Variants in RGS6 observed in about 807,000 individuals in gnomAD.
RGS6 encodes regulator of G protein signaling 6.
RGS6 carries 30 observed loss-of-function variants against 78.5 expected under a neutral mutation model. The observed-to-expected ratio is 0.38, with a 90% CI of 0.29 to 0.52. RGS6 has a LOEUF of 0.52. Ranked by LOEUF, RGS6 falls within the 20% of genes least tolerant of loss-of-function variation. The pLI is 0.85. For missense variants in RGS6, 495 were observed against 609.7 expected (o/e 0.81, Z 1.98); for synonymous variants, 206 against 206.0 (o/e 1.00, Z 0.00).
chr14:71,880,789 G>A, the RGS6 span, among the ~76,000 whole-genome samples: 1 of 152,226 alleles, frequency 6.6e-6, no homozygotes, highest in African/African-American at 2.4e-5. Context: ...GGAAATGTGG[G>A]GTTGGAGCCC....
chr14:72,480,888 C>G (rs1335827925), intron 12 of RGS6, among the ~76,000 whole-genome samples: 1 of 152,184 alleles, frequency 6.6e-6, no homozygotes, highest in Non-Finnish European at 1.5e-5. Flanking sequence ...TCACCCAGTT[C>G]TGTGAGAACT....
chr14:72,389,163 A>G (rs961689544), intron 3 of RGS6, among the ~76,000 whole-genome samples: 55 of 152,206 alleles, frequency 3.6e-4, no homozygotes, highest in African/African-American at 1.2e-3. Context: ...GAGGTGTATG[A>G]CTTTGCCAGC....
chr14:72,070,140 C>G (rs772137997), intron 2 of RGS6, among the ~76,000 whole-genome samples: 65 of 152,104 alleles, frequency 4.3e-4, no homozygotes, highest in Non-Finnish European at 9.1e-4. Flanking sequence ...ATTTCTCTCT[C>G]TCTCTCTCTG....
chr14:72,579,465 G>A, the RGS6 span, among the ~76,000 whole-genome samples: 1 of 152,208 alleles, frequency 6.6e-6, no homozygotes, highest in East Asian at 1.9e-4. Context: ...CTATCAAGGG[G>A]CTATGGAAGA....
chr14:72,426,438 A>G (rs2094437915), intron 3 of RGS6, among the ~76,000 whole-genome samples: 1 of 152,094 alleles, frequency 6.6e-6, no homozygotes, highest in East Asian at 1.9e-4. Context: ...AGAGCAAACT[A>G]TTTTATGGTA....
At chr14:72,229,282 C>A (rs1301511110) in intron 2 of RGS6, among the ~76,000 whole-genome samples, 1 of 151,828 alleles carries the variant, frequency 6.6e-6, no homozygotes. Context: ...ACCCCTTGGC[C>A]CCTACCACCC....
chr14:71,899,180 A>G, the RGS6 span, among the ~76,000 whole-genome samples: 7 of 152,184 alleles, frequency 4.6e-5, no homozygotes, highest in African/African-American at 1.4e-4. Flanking sequence ...CTATAGAAAA[A>G]ATAAGAAATA....
chr14:72,418,458 C>T (rs201643934), intron 3 of RGS6, among the ~76,000 whole-genome samples: 8 of 152,160 alleles, frequency 5.3e-5, no homozygotes, highest in Admixed American at 1.3e-4. Context: ...TGAGCCACCG[C>T]GCCCGGCCCG....
intron 12 of RGS6, among the ~76,000 whole-genome samples, chr14:72,494,616 T>G (rs932575317): frequency 2.0e-5 from 3 of 152,174 alleles, no homozygotes; most frequent in Non-Finnish European, 4.4e-5. Flanking sequence ...GATCAACATA[T>G]CTATTAGATC....
intron 3 of RGS6, among the ~76,000 whole-genome samples, chr14:72,431,248 C>CAGGTGGTT (rs1313263114): frequency 5.3e-5 from 8 of 152,190 alleles, no homozygotes; most frequent in African/African-American, 1.9e-4. Context: ...GCTCCAAAAT[C>CAGGTGGTT]ACCCTGGGGA....
In RGS6 at chr14:71,993,650, C is replaced by T. The variant is rs77943506; in HGVS notation, c.84+28775C>T. On this transcript the variant is annotated intron_variant, in intron 2 of 17. Coordinates refer to ENST00000553525, the MANE Select transcript of RGS6 (RefSeq NM_001204424.2). ...TGACCTTAACCTTGATTTTCTACTGCGTGAGTCTTACAGGTTTATTATAGC... is the reference window on the plus strand; with the variant it reads ...TGACCTTAACCTTGATTTTCTACTGTGTGAGTCTTACAGGTTTATTATAGC... 2.4e-3 allele frequency among the ~76,000 whole-genome samples: 371 copies of T among 152,214 alleles called. 2 individuals are homozygous for T. The highest frequency in any genetic ancestry group is 8.5e-3 in the African/African-American group (355 of 41,522).
At chr14:72,487,740 G>A (rs1334883024) in intron 12 of RGS6, among the ~76,000 whole-genome samples, 1 of 152,202 alleles carries the variant, frequency 6.6e-6, no homozygotes, top group African/African-American at 2.4e-5. Flanking sequence ...CTGACACCTT[G>A]ATTTTAGCTC....
At chr14:71,916,274 C>G in the RGS6 span, among the ~76,000 whole-genome samples, 1 of 152,150 alleles carries the variant, frequency 6.6e-6, no homozygotes, top group Admixed American at 6.5e-5. Flanking sequence ...CAAACTGGGC[C>G]TGGACCTGGC....
intron 2 of RGS6, among the ~76,000 whole-genome samples, chr14:72,188,776 T>A (rs540464966): frequency 6.6e-6 from 1 of 152,182 alleles, no homozygotes; most frequent in African/African-American, 2.4e-5. Flanking sequence ...AGCAGCTCTC[T>A]TCAAGCATAG....
At chr14:72,049,509 T>C (rs575683970) in intron 2 of RGS6, among the ~76,000 whole-genome samples, 8 of 152,316 alleles carry the variant, frequency 5.3e-5, no homozygotes, top group African/African-American at 1.9e-4. Flanking sequence ...ATCTCTCATC[T>C]TTTGCAGATG....
intron 2 of RGS6, among the ~76,000 whole-genome samples, chr14:72,215,022 A>T (rs896085720): frequency 6.6e-6 from 1 of 152,112 alleles, no homozygotes; most frequent in Non-Finnish European, 1.5e-5. Flanking sequence ...TATGACTGTC[A>T]TCAGGACACT....
At chr14:72,604,408 AC>A in the RGS6 span, among the ~76,000 whole-genome samples, 1 of 152,192 alleles carries the variant, frequency 6.6e-6, no homozygotes, top group African/African-American at 2.4e-5. Flanking sequence ...AAGGCCTTCT[AC>A]AGATGATCTC....
chr14:72,513,071 G>T (rs1284508499), intron 14 of RGS6, among the ~76,000 whole-genome samples: 1 of 152,220 alleles, frequency 6.6e-6, no homozygotes, highest in Non-Finnish European at 1.5e-5. Context: ...ACTGGCATTG[G>T]AGCATGGCAG....
chr14:71,964,063 G>A (rs1952706365), intron 1 of RGS6, among the ~76,000 whole-genome samples: 1 of 151,674 alleles, frequency 6.6e-6, no homozygotes, highest in African/African-American at 2.4e-5. Context: ...AATCTTAATG[G>A]GTATGAAGTG....
Sources: allele counts gnomAD v4.1 joint callset (sites outside exome capture counted in the v4.1 genomes callset), GRCh38; gene constraint gnomAD v4.1.1; transcripts MANE v1.5; gene names NCBI Gene and HGNC (gene_info 2026-07-23, HGNC 2026-07-21).